The following RYR2 variants were observed in gnomAD, a reference collection of about 807,000 sequenced individuals.
RYR2 encodes ryanodine receptor 2.
A neutral mutation model predicts 601.1 loss-of-function variants in RYR2; 227 were observed. The ratio of observed to expected loss-of-function variants is 0.38; its 90% CI spans 0.34 to 0.42. The LOEUF is 0.42. Ranked by LOEUF, RYR2 falls within the 10% of genes least tolerant of loss-of-function variation. RYR2 has a pLI of 1.00. For missense variants in RYR2, 4,646 were observed against 6,156.5 expected (o/e 0.75, Z 8.21); for synonymous variants, 2,223 against 2,175.1 (o/e 1.02, Z -0.61).
Position 237,742,269 on chromosome 1 carries a change from CCTT to C in RYR2, c.11092-26_11092-24del, listed in dbSNP as rs143494622. On this transcript the variant is annotated intron_variant, in intron 79 of 104. Coordinates refer to ENST00000366574, the MANE Select transcript of RYR2 (RefSeq NM_001035.3). The stretch of plus-strand genomic sequence containing the variant: ...CTAAAATCTCAACATATTCCTGTCT[CCTT>C]TTTTTTTTTTTTTAAATATACAGAG... 1.5e-3 allele frequency: 1,893 copies of C among 1,283,868 alleles called. 21 individuals carry two copies. The African/African-American group carries it at 0.028, about 19-fold the overall frequency. 79.5% of individuals were successfully genotyped at this position (1,283,868 alleles called of 1,614,324 possible).
intron 66 of RYR2, 111 bp from the exon 67 acceptor site, chr1:237,705,102 T>G: frequency 1.1e-6 from 1 of 919,594 alleles, no homozygotes; most frequent in East Asian, 2.7e-5. Context: ...GGAGTTAATT[T>G]TATTAGGACC....
intron 1 of RYR2, among the ~76,000 whole-genome samples, chr1:237,185,110 C>T (rs1242503844): frequency 2.0e-5 from 3 of 152,038 alleles, no homozygotes; most frequent in Non-Finnish European, 4.4e-5. Context: ...AAGCAGTTCT[C>T]CCACCTCGGC....
At chr1:237,680,770 C>G (rs1558207318) in intron 62 of RYR2, among the ~76,000 whole-genome samples, 193 bp downstream of exon 62, 1 of 152,120 alleles carries the variant, frequency 6.6e-6, no homozygotes, top group Non-Finnish European at 1.5e-5. Context: ...TGTTGAGTTT[C>G]TTTATATTTT....
chr1:237,170,967 G>A (rs529934117), intron 1 of RYR2, among the ~76,000 whole-genome samples: 1 of 152,246 alleles, frequency 6.6e-6, no homozygotes, highest in East Asian at 1.9e-4. Flanking sequence ...ATGGTAAAGG[G>A]GAGGATGAGG....
intron 18 of RYR2, among the ~76,000 whole-genome samples, chr1:237,492,198 AT>A (rs1663432059): frequency 6.6e-6 from 1 of 152,154 alleles, no homozygotes; most frequent in South Asian, 2.1e-4. Flanking sequence ...TGCCCGGCTA[AT>A]TTTTGTATTT....
Position 237,627,974 on chromosome 1 carries a change from T to G in RYR2, c.6334T>G (p.Ser2112Ala). ...LPKTYTINGV[S>A]VEDTINLLAS... is the part of the protein sequence containing the mutation. ...AAAGACCTACACGATAAATGGTGTG[T>G]CCGTGGAGGACACCATCAACCTGCT... Residue 2112 changes from serine to alanine, a missense_variant, in exon 41 of 105, where the codon TCC (serine) becomes GCC (alanine). Coordinates refer to ENST00000366574, the MANE Select transcript of RYR2 (RefSeq NM_001035.3). 1 of 1,613,902 alleles carries G rather than the reference T, an allele frequency of 6.2e-7. No individual in the cohort carries two copies. The highest frequency in any genetic ancestry group is 1.1e-5 in the South Asian group (1 of 91,084).
At chr1:237,354,208 G>A (rs1016854239) in intron 3 of RYR2, among the ~76,000 whole-genome samples, 1 of 151,996 alleles carries the variant, frequency 6.6e-6, no homozygotes, top group Non-Finnish European at 1.5e-5. Context: ...TAATTCTTGC[G>A]CCTTGAAGAA....
chr1:237,294,506 T>C (rs1692554685), intron 2 of RYR2, among the ~76,000 whole-genome samples: 1 of 151,988 alleles, frequency 6.6e-6, no homozygotes, highest in Non-Finnish European at 1.5e-5. Flanking sequence ...TACATCATTG[T>C]AGTTGTTTAT....
At chr1:237,199,818 C>T (rs1680980921) in intron 1 of RYR2, among the ~76,000 whole-genome samples, 1 of 152,172 alleles carries the variant, frequency 6.6e-6, no homozygotes, top group Admixed American at 6.5e-5. Context: ...AAAACATCAT[C>T]TCATATGCAT....
rs1553488498 is a variant in RYR2 at position 237,535,484 on chromosome 1, T to TACACATACACAC, written c.2906+4979_2906+4980insTACACACACACA. On this transcript the variant is annotated intron_variant, in intron 25 of 104. Transcript: ENST00000366574. The stretch of plus-strand genomic sequence containing the variant: ...TTAAAGGAATTGAATCAAACACACA[T>TACACATACACAC]ACACACACACACACACACACACACA... 2.6e-3 allele frequency among the ~76,000 whole-genome samples: 383 copies of TACACATACACAC among 144,712 alleles called. 2 individuals are homozygous for TACACATACACAC. The highest frequency in any genetic ancestry group is 0.011 in the Middle Eastern group (3 of 276). The allele number at this position is 144,712 out of a possible 152,430, so 94.9% of individuals were successfully genotyped here. A position where few individuals can be genotyped will look rare whatever the true frequency, so the allele number is the denominator to read the frequency against.
intron 52 of RYR2, 21 bp downstream of exon 52, chr1:237,654,435 T>C (rs1486431802): frequency 6.2e-7 from 1 of 1,612,152 alleles, no homozygotes; most frequent in Non-Finnish European, 8.5e-7. Context: ...GGTTTGTGGG[T>C]TTGTTTGTAT....
At chr1:237,831,670 G>C (rs1038975566) in intron 104 of RYR2, 105 bp downstream of exon 104, 2 of 674,296 alleles carry the variant, frequency 3.0e-6, no homozygotes, top group Non-Finnish European at 5.1e-6. Context: ...ATTACTTTCA[G>C]ATATTAGTTG....
chr1:237,399,739 T>G (rs568848751), intron 10 of RYR2, among the ~76,000 whole-genome samples: 1 of 151,944 alleles, frequency 6.6e-6, no homozygotes, highest in Non-Finnish European at 1.5e-5. Flanking sequence ...CTTGTACATA[T>G]TTTCCTAAAT....
chr1:237,152,825 A>G (rs533615698), intron 1 of RYR2, among the ~76,000 whole-genome samples: 4 of 152,336 alleles, frequency 2.6e-5, no homozygotes, highest in South Asian at 4.1e-4. Context: ...ATTAAACTAA[A>G]GAGCCTGTGG....
chr1:237,077,813 C>T (rs1156816701), intron 1 of RYR2, among the ~76,000 whole-genome samples: 1 of 152,168 alleles, frequency 6.6e-6, no homozygotes, highest in Non-Finnish European at 1.5e-5. Flanking sequence ...CCCAAATCAA[C>T]AGAATATACA....
intron 54 of RYR2, among the ~76,000 whole-genome samples, chr1:237,659,024 G>A (rs1483273376): frequency 6.6e-6 from 1 of 152,196 alleles, no homozygotes; most frequent in Admixed American, 6.5e-5. Flanking sequence ...CATCAGAGGA[G>A]TTGAGTTGAG....
At chr1:237,219,358 G>A (rs567590299) in intron 1 of RYR2, among the ~76,000 whole-genome samples, 1 of 152,098 alleles carries the variant, frequency 6.6e-6, no homozygotes, top group Non-Finnish European at 1.5e-5. Flanking sequence ...ATCATAGGAC[G>A]GCTGCAGGAC....
intron 1 of RYR2, among the ~76,000 whole-genome samples, chr1:237,148,521 A>ATATATTT (rs1417305977): frequency 4.5e-5 from 2 of 44,004 alleles, no homozygotes; most frequent in African/African-American, 1.4e-4. Context: ...CAAGTAAAAA[A>ATATATTT]AAAAAAATAT....
intron 5 of RYR2, among the ~76,000 whole-genome samples, chr1:237,366,999 C>T (rs1700250608): frequency 6.6e-6 from 1 of 152,192 alleles, no homozygotes; most frequent in Non-Finnish European, 1.5e-5. Flanking sequence ...AAGACAGCCT[C>T]ATTCTCTGAA....
Sources: gnomAD v4.1 joint callset for allele counts (sites outside exome capture counted in the v4.1 genomes callset) on GRCh38, gnomAD v4.1.1 for gene constraint, MANE v1.5 for transcripts, NCBI Gene and HGNC (gene_info 2026-07-23, HGNC 2026-07-21) for gene names.